ATP2A2: variants seen among roughly 807,000 people sequenced by gnomAD.
ATP2A2 encodes the protein ATPase sarcoplasmic/endoplasmic reticulum Ca2+ transporting 2, also known as sarcoplasmic/endoplasmic reticulum calcium ATPase 2.
In ATP2A2, 14 loss-of-function variants were observed where a neutral mutation model predicts 109.3. The observed-to-expected ratio is 0.13, with a 90% CI of 0.08 to 0.20. The LOEUF (loss-of-function observed/expected upper bound fraction) is 0.20. ATP2A2 is among the 10% of genes least tolerant of loss of function. The probability of loss-of-function intolerance (pLI) is 1.00; values close to 1 mark genes in which losing one functional copy is unlikely to be tolerated. For missense variants in ATP2A2, 657 were observed against 1,321.6 expected (o/e 0.50, Z 7.80); for synonymous variants, 506 against 490.9 (o/e 1.03, Z -0.41).
intron 5 of ATP2A2, among the ~76,000 whole-genome samples, chr12:110,318,930 A>G (rs1566222882): frequency 6.6e-6 from 1 of 152,206 alleles, no homozygotes; most frequent in Non-Finnish European, 1.5e-5. Context: ...TGCCTGATAG[A>G]TGAGAAACAG....
intron 8 of ATP2A2, chr12:110,331,908 C>G (rs552158351): frequency 6.6e-6 from 1 of 152,234 alleles, no homozygotes; most frequent in East Asian, 1.9e-4. Flanking sequence ...AAGAAAATAG[C>G]TTATGTCGCT....
rs1877330543 is a variant in ATP2A2 at position 110,322,346 on chromosome 12, C to T, written c.464-646C>T. ...TTTTACTTTTTGAGATGGAGACTAG[C>T]TTTGTTTCCCAGGTGGTGTGCACCT... On this transcript the variant is annotated intron_variant, in intron 5 of 19. Transcript: ENST00000539276. Among the ~76,000 whole-genome samples the T allele has an allele frequency of 2.0e-5, 3 of 151,990 alleles. 1 individual carries two copies. The South Asian group carries it at 6.2e-4, about 32-fold the overall frequency.
intron 11 of ATP2A2, among the ~76,000 whole-genome samples, chr12:110,337,545 G>C (rs1015927680): frequency 6.6e-5 from 10 of 152,256 alleles, no homozygotes; most frequent in African/African-American, 2.2e-4. Context: ...CGGTTCAGTG[G>C]CTGGCAGGCC....
chr12:110,340,629 C>G lies in ATP2A2; in HGVS notation c.1762-30C>G, dbSNP rs367657876. On this transcript the variant is annotated intron_variant, in intron 13 of 19. Coordinates refer to ENST00000539276, the MANE Select transcript of ATP2A2 (RefSeq NM_170665.4). The surrounding 1 kb of genome is among the most constrained non-coding windows in gnomAD (Gnocchi z 6.0). ...AGGGGACAAAAACTAGAACTTGCCACTTTTATTTAAAGTGATGCTCTTATT... is the reference window on the plus strand; with the variant it reads ...AGGGGACAAAAACTAGAACTTGCCAGTTTTATTTAAAGTGATGCTCTTATT... The G allele has an allele frequency of 6.2e-7, 1 of 1,612,548 alleles. No individual in the cohort carries two copies. The highest frequency in any genetic ancestry group is 8.5e-7 in the Non-Finnish European group (1 of 1,178,774).
rs1878461203 is a variant in ATP2A2, at chr12:110,332,674, T to G, written c.1173T>G (p.Pro391=). 2 of 1,611,026 alleles carry G rather than the reference T, an allele frequency of 1.2e-6. No individual in the cohort carries two copies. Among genetic ancestry groups the G allele is most frequent in the Non-Finnish European group, 1.7e-6 (2 of 1,177,138 alleles). The change falls in exon 9 of 20, where the codon CCT becomes CCG. Residue 391 remains proline, a synonymous_variant. Coordinates refer to ENST00000539276, the MANE Select transcript of ATP2A2 (RefSeq NM_170665.4). Reference sequence around the variant, plus strand: ...CCATAACTGGATCAACTTATGCACCTATTGGAGAAGTGTGAGTAACCCTCC... The same window carrying G: ...CCATAACTGGATCAACTTATGCACCGATTGGAGAAGTGTGAGTAACCCTCC... The part of the protein sequence containing the change: ...EFTITGSTYA[P]IGEVHKDDKP...
intron 6 of ATP2A2, among the ~76,000 whole-genome samples, chr12:110,325,311 C>T (rs941324606): frequency 2.6e-5 from 4 of 152,020 alleles, no homozygotes; most frequent in African/African-American, 9.7e-5. Context: ...CTCAGATTGA[C>T]CCTAATTATA....
rs1879423934 is a variant in ATP2A2, at chr12:110,342,216, T to G, written c.2098-12T>G. The G allele has an allele frequency of 6.2e-7, 1 of 1,614,120 alleles. No homozygotes were observed. Among genetic ancestry groups the G allele is most frequent in the South Asian group, 1.1e-5 (1 of 91,094 alleles). ...GCCAGTTGGCTGACCCAACCATTGC[T>G]TTCCCTTTCAGACTGGCGATGGCGT... On this transcript the variant is annotated splice_polypyrimidine_tract_variant and intron_variant, in intron 14 of 19. Transcript: ENST00000539276. The surrounding 1 kb of genome is among the most constrained non-coding windows in gnomAD (Gnocchi z 4.6).
chr12:110,281,749 C>G lies in ATP2A2; in HGVS notation c.-41C>G, dbSNP rs906675086. ...GGAGTGCGAGGCGGAGGCGAGGAGG[C>G]CGCGGGGACGGGAGGCGAGGCCGGC... On this transcript the variant is annotated 5_prime_UTR_variant, in exon 1 of 20. Coordinates refer to ENST00000539276, the MANE Select transcript of ATP2A2 (RefSeq NM_170665.4). The G allele has an allele frequency of 1.4e-6, 2 of 1,415,588 alleles. No individual in the cohort carries two copies. Among genetic ancestry groups the G allele is most frequent in the South Asian group, 2.7e-5 (2 of 73,008 alleles). The allele number at this position is 1,415,588 out of a possible 1,614,324, so 87.7% of individuals were successfully genotyped here.
chr12:110,292,220 G>C, intron 4 of ATP2A2, 96 bp downstream of exon 4: 1 of 931,374 alleles, frequency 1.1e-6, no homozygotes, highest in Non-Finnish European at 1.7e-6. Context: ...CTGATGTGTT[G>C]AGTAAAAATA....
rs1467077297 is a variant in ATP2A2, at chr12:110,348,591, G to T, written c.*2121G>T. ...TCTTAAAAGCACAGTCCGTGGTTGG[G>T]TGTGGTGGCTCATGCCTGTAAGTAA... On this transcript the variant is annotated 3_prime_UTR_variant, in exon 20 of 20. Coordinates refer to ENST00000539276, the MANE Select transcript of ATP2A2 (RefSeq NM_170665.4). 3.0e-6 allele frequency: 3 copies of T among 985,418 alleles called. No homozygotes were observed. The East Asian group carries it at 3.4e-4, about 112-fold the overall frequency. 61.0% of individuals were successfully genotyped at this position (985,418 alleles called of 1,614,324 possible).
At chr12:110,285,081 C>G (rs564149111) in intron 3 of ATP2A2, among the ~76,000 whole-genome samples, 45 of 152,284 alleles carry the variant, frequency 3.0e-4, no homozygotes, top group African/African-American at 1.1e-3. Flanking sequence ...TTATATACAT[C>G]ATGCGTCATC....
In ATP2A2 at chr12:110,281,921, G is replaced by C. The variant is rs940538973; in HGVS notation, c.118+14G>C. 6.4e-7 allele frequency: 1 copy of C among 1,557,246 alleles called. No homozygotes were observed. Among genetic ancestry groups the C allele is most frequent in the Non-Finnish European group, 8.7e-7 (1 of 1,151,884 alleles). ...GGGGCTCCAACGGTAGGTGCAGGGC[G>C]CTCCGCTGCAGGGGCCCGGCGCGGC... On this transcript the variant is annotated intron_variant, in intron 1 of 19. Transcript: ENST00000539276.
Position 110,349,916 on chromosome 12 carries a change from G to T in ATP2A2, c.*3446G>T. The T allele has an allele frequency of 8.9e-7, 1 of 1,126,828 alleles. No individual in the cohort carries two copies. Among genetic ancestry groups the T allele is most frequent in the Non-Finnish European group, 1.1e-6 (1 of 915,154 alleles). 69.8% of individuals were successfully genotyped at this position (1,126,828 alleles called of 1,614,324 possible). On this transcript the variant is annotated 3_prime_UTR_variant, in exon 20 of 20. Coordinates refer to ENST00000539276, the MANE Select transcript of ATP2A2 (RefSeq NM_170665.4). ...CACAGGGCAGGGACAGGAAGGCTGT[G>T]CTGCTACTGGCTGCTCACTTCTCCA...
Position 110,350,557 on chromosome 12 carries a change from T to C in ATP2A2, c.*4087T>C. The C allele has an allele frequency of 1.7e-6, 1 of 601,248 alleles. No individual in the cohort carries two copies. Among genetic ancestry groups the C allele is most frequent in the South Asian group, 2.2e-5 (1 of 46,156 alleles). 37.2% of individuals were successfully genotyped at this position (601,248 alleles called of 1,614,324 possible). A position where few individuals can be genotyped will look rare whatever the true frequency, so the allele number is the denominator to read the frequency against. ...AAAGCCTCTCCAGAGAAGTTTGGTT[T>C]CTTTGCTGCAAGAGGAATGAGGCTC... On this transcript the variant is annotated 3_prime_UTR_variant, in exon 20 of 20. Coordinates refer to ENST00000539276, the MANE Select transcript of ATP2A2 (RefSeq NM_170665.4).
At position 110,292,040 on chromosome 12, in the gene ATP2A2, A is replaced by T. The variant is rs1188714398; in HGVS notation, c.240A>T (p.Glu80Asp). ...CISFVLAWFE[E>D]GEETITAFVE... ...TCTAGGTTTTGGCTTGGTTTGAAGA[A>T]GGTGAAGAAACAATTACAGCCTTTG... The change falls in exon 4 of 20, where the codon GAA becomes GAT. Residue 80 changes from glutamate to aspartate, a missense_variant. Physicochemically the swap from Glu to Asp is conservative, Grantham distance 45. This residue lies in a region of ATP2A2 where 136 missense variants were observed against 343.9 expected (regional missense o/e 0.40). Coordinates refer to ENST00000539276, the MANE Select transcript of ATP2A2 (RefSeq NM_170665.4). 6.2e-7 allele frequency: 1 copy of T among 1,614,046 alleles called. No homozygotes were observed. Among genetic ancestry groups the T allele is most frequent in the Non-Finnish European group, 8.5e-7 (1 of 1,180,018 alleles).
At chr12:110,322,967 GC>G (rs773790556) in intron 5 of ATP2A2, 24 bp from the exon 6 acceptor site, 1 of 1,564,386 alleles carries the variant, frequency 6.4e-7, no homozygotes, top group Non-Finnish European at 8.8e-7. Flanking sequence ...GCTCATTTCA[GC>G]CGCCTTTTTT....
intron 5 of ATP2A2, among the ~76,000 whole-genome samples, chr12:110,315,159 C>A (rs1876537006): frequency 6.6e-6 from 1 of 152,144 alleles, no homozygotes; most frequent in Non-Finnish European, 1.5e-5. Context: ...AGCCATCGCG[C>A]CCGGCAATAT....
intron 11 of ATP2A2, among the ~76,000 whole-genome samples, chr12:110,334,688 A>G (rs1448355817): frequency 1.3e-5 from 2 of 150,898 alleles, no homozygotes; most frequent in African/African-American, 4.9e-5. Context: ...CCCAGGTTCA[A>G]GCGATTCTCC....
chr12:110,311,965 A>C (rs909906113), intron 5 of ATP2A2, among the ~76,000 whole-genome samples: 2 of 152,088 alleles, frequency 1.3e-5, no homozygotes, highest in African/African-American at 4.8e-5. Context: ...ACTTGAGCTC[A>C]GGAGTTTGAG....
Sources: allele counts gnomAD v4.1 joint callset (sites outside exome capture counted in the v4.1 genomes callset), GRCh38; gene constraint gnomAD v4.1.1; regional missense constraint gnomAD v4.1.1; non-coding constraint Gnocchi (gnomAD v3.1); transcripts MANE v1.5; gene names NCBI Gene and HGNC (gene_info 2026-07-23, HGNC 2026-07-21).